Variants in RASSF5 observed in about 807,000 individuals in gnomAD.
The protein encoded by RASSF5 is Ras association domain family member 5, also known as ras association domain-containing protein 5.
A neutral mutation model predicts 40.5 loss-of-function variants in RASSF5; 25 were observed. The observed-to-expected ratio is 0.62, with a 90% CI of 0.45 to 0.86. The LOEUF (loss-of-function observed/expected upper bound fraction) is 0.86. Among genes scored for constraint, RASSF5 ranks in the 40% least tolerant of loss-of-function variants. The pLI is 0.00. For synonymous variants in RASSF5, 246 were observed against 252.4 expected, an observed-to-expected ratio of 0.97 and a Z score of 0.24; for missense variants, 521 against 572.8, an observed-to-expected ratio of 0.91 and a Z score of 0.92.
intron 2 of RASSF5, among the ~76,000 whole-genome samples, chr1:206,572,021 A>G (rs1249726117): frequency 6.6e-6 from 1 of 152,176 alleles, no homozygotes; most frequent in African/African-American, 2.4e-5. Flanking sequence ...AGAAATGGAA[A>G]GGATTTGGGT....
chr1:206,578,723 TG>T (rs1668753320), intron 2 of RASSF5, among the ~76,000 whole-genome samples: 2 of 152,300 alleles, frequency 1.3e-5, no homozygotes, highest in South Asian at 4.1e-4. Flanking sequence ...ACCCTCATCC[TG>T]GGGACCCCCT....
rs1313217581 is a variant in RASSF5 at position 206,584,052 on chromosome 1, A to AAACTAGAGTGGCTACCCC, written c.691-333_691-316dup. Among the ~76,000 whole-genome samples the AAACTAGAGTGGCTACCCC allele has an allele frequency of 4.6e-5, 7 of 152,164 alleles. No individual in the cohort carries two copies. In the East Asian group the frequency reaches 1.3e-3, roughly 29 times the overall value. On this transcript the variant is annotated intron_variant, in intron 3 of 5. Transcript: ENST00000579436. The surrounding 1 kb of genome is among the most constrained non-coding windows in gnomAD (Gnocchi z 4.9). ...TGCTTCCTGCCTGGTTCAGAGGTAC[A>AAACTAGAGTGGCTACCCC]AACTAGAGTGGCTACCCCACACCCT...
intron 2 of RASSF5, among the ~76,000 whole-genome samples, chr1:206,576,839 T>C (rs532126383): frequency 3.2e-4 from 49 of 152,300 alleles, no homozygotes; most frequent in African/African-American, 1.2e-3. Flanking sequence ...TCTTGCTCTG[T>C]CACCTAGGCT....
At chr1:206,572,689 C>T (rs989037986) in intron 2 of RASSF5, 11 of 152,140 alleles carry the variant, frequency 7.2e-5, no homozygotes, top group African/African-American at 2.2e-4. Flanking sequence ...TCCACAAAAA[C>T]GTTTTAATTT....
chr1:206,541,294 A>AT (rs1667540046), intron 2 of RASSF5, among the ~76,000 whole-genome samples: 2 of 152,134 alleles, frequency 1.3e-5, no homozygotes, highest in Non-Finnish European at 2.9e-5. Context: ...ACATTCATAC[A>AT]TTTTTCAAAA....
At chr1:206,585,452 G>T (rs1669076014) in intron 5 of RASSF5, 157 bp downstream of exon 5, 3 of 617,562 alleles carry the variant, frequency 4.9e-6, no homozygotes, top group Non-Finnish European at 8.8e-6. Context: ...TGGGCCTGGG[G>T]GTCAGTGTTT....
intron 2 of RASSF5, among the ~76,000 whole-genome samples, chr1:206,549,823 G>A (rs1267474019): frequency 6.6e-6 from 1 of 152,166 alleles, no homozygotes; most frequent in Non-Finnish European, 1.5e-5. Context: ...TGGCTTGTAG[G>A]AACAGGCACT....
intron 1 of RASSF5, chr1:206,528,911 C>T (rs1302360775): frequency 1.7e-6 from 1 of 584,156 alleles, no homozygotes; most frequent in Non-Finnish European, 3.0e-6. Context: ...TCGCATTGCC[C>T]AAGATGCTGA....
At chr1:206,578,015 GAGTT>G (rs1430010373) in intron 2 of RASSF5, among the ~76,000 whole-genome samples, 4 of 152,104 alleles carry the variant, frequency 2.6e-5, no homozygotes, top group Non-Finnish European at 4.4e-5. Flanking sequence ...TTGAGGCCAG[GAGTT>G]TGAGACCAGC....
chr1:206,529,330 C>A, intron 1 of RASSF5: 1 of 771,786 alleles, frequency 1.3e-6, no homozygotes, highest in Non-Finnish European at 2.3e-6. Context: ...GGAGTTAACA[C>A]CATCACCACT....
intron 2 of RASSF5, among the ~76,000 whole-genome samples, chr1:206,575,707 G>T (rs574091835): frequency 6.6e-6 from 1 of 152,310 alleles, no homozygotes; most frequent in Admixed American, 6.5e-5. Flanking sequence ...CTGCGAAGGG[G>T]CCCTTAGAGC....
intron 2 of RASSF5, chr1:206,557,046 C>A: frequency 1.6e-6 from 1 of 644,060 alleles, no homozygotes; most frequent in Non-Finnish European, 1.9e-6. Context: ...ATATGACCTG[C>A]AGTTCCCTGA....
At chr1:206,514,472 T>C (rs190571987) in intron 1 of RASSF5, among the ~76,000 whole-genome samples, 1 of 152,334 alleles carries the variant, frequency 6.6e-6, no homozygotes, top group African/African-American at 2.4e-5. Flanking sequence ...AGTGGATGGC[T>C]GAGTATGACA....
At chr1:206,527,201 G>A (rs1432533300) in intron 1 of RASSF5, among the ~76,000 whole-genome samples, 2 of 152,146 alleles carry the variant, frequency 1.3e-5, no homozygotes, top group Non-Finnish European at 2.9e-5. Context: ...CACATGTTAA[G>A]CAGTGTGTTT....
intron 1 of RASSF5, among the ~76,000 whole-genome samples, chr1:206,512,692 G>A: frequency 6.6e-6 from 1 of 152,132 alleles, no homozygotes; most frequent in East Asian, 1.9e-4. Flanking sequence ...CCAGTCCCAA[G>A]GGCCCTGCCT....
At chr1:206,546,437 A>G (rs1404456507) in intron 2 of RASSF5, among the ~76,000 whole-genome samples, 1 of 151,996 alleles carries the variant, frequency 6.6e-6, no homozygotes, top group African/African-American at 2.4e-5. Flanking sequence ...TGAGTATTCT[A>G]TCTGTTCTTG....
intron 2 of RASSF5, among the ~76,000 whole-genome samples, chr1:206,561,668 T>TC (rs1464870276): frequency 2.7e-5 from 4 of 148,998 alleles, no homozygotes; most frequent in African/African-American, 4.9e-5. Context: ...TTTTTCTTTT[T>TC]TTTTTTTTTT....
In RASSF5 at chr1:206,507,929, G is replaced by A. The variant is rs1553394084; in HGVS notation, c.327G>A (p.Gln109=). 1.3e-6 allele frequency: 2 copies of A among 1,520,020 alleles called. No individual in the cohort carries two copies. Among genetic ancestry groups the A allele is most frequent in the Non-Finnish European group, 1.8e-6 (2 of 1,141,928 alleles). The allele number at this position is 1,520,020 out of a possible 1,614,324, so 94.2% of individuals were successfully genotyped here. The change falls in exon 1 of 6, where the codon CAG becomes CAA. Residue 109 remains glutamine, a synonymous_variant. Coordinates refer to ENST00000579436, the MANE Select transcript of RASSF5 (RefSeq NM_182663.4). ...GCGACGTGCGGAGCATCTTCGAGCA[G>A]CCGCAGGATCCCAGAGTCCCGGCGG... The part of the protein sequence containing the change: ...RPRDVRSIFE[Q]PQDPRVPAER...
intron 2 of RASSF5, among the ~76,000 whole-genome samples, chr1:206,551,644 C>T (rs566310479): frequency 6.6e-6 from 1 of 152,336 alleles, no homozygotes; most frequent in African/African-American, 2.4e-5. Flanking sequence ...CACCTGAAGT[C>T]CTGGCCACAA....
Sources: allele counts gnomAD v4.1 joint callset (sites outside exome capture counted in the v4.1 genomes callset), GRCh38; gene constraint gnomAD v4.1.1; non-coding constraint Gnocchi (gnomAD v3.1); transcripts MANE v1.5; gene names NCBI Gene and HGNC (gene_info 2026-07-23, HGNC 2026-07-21).